Variants in PCTP observed in about 807,000 individuals in gnomAD.
PCTP encodes START domain-containing protein 2.
A neutral mutation model predicts 31.0 loss-of-function variants in PCTP; 27 were observed. The observed-to-expected ratio is 0.87, with a 90% CI of 0.64 to 1.20. The LOEUF is 1.20. Ranked by LOEUF, PCTP falls within the 50% of genes most tolerant of loss-of-function variation. The pLI is 0.00. For missense variants in PCTP, 287 were observed against 268.2 expected (o/e 1.07, Z -0.49); for synonymous variants, 108 against 101.2 (o/e 1.07, Z -0.40).
At chr17:55,825,470 A>C (rs1381680417), downstream of PCTP, among the ~76,000 whole-genome samples, 4 of 152,230 alleles carry the variant, frequency 2.6e-5, no homozygotes, top group Non-Finnish European at 2.9e-5. Flanking sequence ...CTGCCAGGGG[A>C]AGGTAGAGTC....
intron 3 of PCTP, among the ~76,000 whole-genome samples, chr17:55,800,998 G>C (rs1912357591): frequency 6.6e-6 from 1 of 152,100 alleles, no homozygotes; most frequent in Admixed American, 6.5e-5. Context: ...TCCTCTGGAA[G>C]CTTCGTCCCA....
At chr17:55,850,071 C>T in the PCTP span, among the ~76,000 whole-genome samples, 1 of 151,982 alleles carries the variant, frequency 6.6e-6, no homozygotes, top group Non-Finnish European at 1.5e-5. Flanking sequence ...ATAATGTGGC[C>T]TAAATTATAC....
intron 1 of PCTP, among the ~76,000 whole-genome samples, chr17:55,765,552 G>A (rs1236992523): frequency 1.3e-5 from 2 of 152,084 alleles, no homozygotes; most frequent in African/African-American, 4.8e-5. Context: ...TTACTTCCCT[G>A]TTCAAATCAC....
intron 2 of PCTP, chr17:55,770,116 C>G (rs1910902294): frequency 6.6e-6 from 1 of 152,216 alleles, no homozygotes; most frequent in Admixed American, 6.5e-5. Flanking sequence ...AGTCTGGGGA[C>G]AGAGGGTGTG....
intron 1 of PCTP, among the ~76,000 whole-genome samples, chr17:55,766,511 G>A (rs1433148142): frequency 6.7e-6 from 1 of 148,568 alleles, no homozygotes; most frequent in Non-Finnish European, 1.5e-5. Flanking sequence ...AATATGTGGT[G>A]TTTGGTTTTT....
In PCTP at chr17:55,755,233, G is replaced by GT. The variant is rs544288386; in HGVS notation, c.141+3989_141+3990insT. Reference sequence around the variant, plus strand: ...TTAAGGACCCGATTGTGCATAGCATGCTTGCCACTGTGTGGTACGAGCTGG... The same window carrying GT: ...TTAAGGACCCGATTGTGCATAGCATGTCTTGCCACTGTGTGGTACGAGCTGG... On this transcript the variant is annotated intron_variant, in intron 1 of 5. Transcript: ENST00000268896. Among the ~76,000 whole-genome samples, 803 of 152,292 alleles carry GT rather than the reference G, an allele frequency of 5.3e-3. 14 individuals are homozygous for GT. Among genetic ancestry groups the GT allele is most frequent in the African/African-American group, 0.018 (758 of 41,556 alleles).
At chr17:55,754,640 C>T (rs894359863) in intron 1 of PCTP, among the ~76,000 whole-genome samples, 4 of 152,178 alleles carry the variant, frequency 2.6e-5, no homozygotes, top group Non-Finnish European at 5.9e-5. Context: ...ATTGGGGAAA[C>T]CCAAGAAGGC....
chr17:55,809,424 G>T (rs1912677992), intron 3 of PCTP, among the ~76,000 whole-genome samples: 1 of 151,984 alleles, frequency 6.6e-6, no homozygotes, highest in Non-Finnish European at 1.5e-5. Flanking sequence ...GTAACATATT[G>T]ATATCTCAGC....
intron 5 of PCTP, chr17:55,775,745 G>T (rs1243888509): frequency 1.6e-6 from 2 of 1,258,540 alleles, no homozygotes; most frequent in South Asian, 3.2e-5. Flanking sequence ...CCCATTTCTT[G>T]TGTTTTCTTT....
chr17:55,839,354 A>G (rs1220687916), intron 5 of PCTP, among the ~76,000 whole-genome samples: 1 of 152,172 alleles, frequency 6.6e-6, no homozygotes, highest in Non-Finnish European at 1.5e-5. Context: ...GGAAAGTCAA[A>G]TGGAAAGCTG....
intron 5 of PCTP, among the ~76,000 whole-genome samples, chr17:55,833,323 A>G (rs1905668583): frequency 6.6e-6 from 1 of 152,186 alleles, no homozygotes; most frequent in African/African-American, 2.4e-5. Flanking sequence ...ACAACAAGTA[A>G]CCTCCAAAAT....
chr17:55,784,777 A>G (rs941437605), intron 2 of PCTP, among the ~76,000 whole-genome samples: 5 of 152,248 alleles, frequency 3.3e-5, no homozygotes, highest in Admixed American at 6.5e-5. Context: ...TTTTCTTTAT[A>G]CTTATAATCA....
At chr17:55,840,010 T>G (rs1305090296) in intron 5 of PCTP, among the ~76,000 whole-genome samples, 1 of 151,828 alleles carries the variant, frequency 6.6e-6, no homozygotes, top group Non-Finnish European at 1.5e-5. Flanking sequence ...TTAATTTAGT[T>G]TAAAGTGATG....
downstream of PCTP, among the ~76,000 whole-genome samples, chr17:55,827,953 T>C (rs1025909606): frequency 1.3e-5 from 2 of 151,912 alleles, no homozygotes; most frequent in Admixed American, 1.3e-4. Flanking sequence ...CATGATGGAG[T>C]AGTTTTTGAT....
chr17:55,751,650 T>C (rs1427612240), intron 1 of PCTP, among the ~76,000 whole-genome samples: 1 of 151,862 alleles, frequency 6.6e-6, no homozygotes, highest in Non-Finnish European at 1.5e-5. Context: ...GGCTTGGATA[T>C]AGGAGGAAAA....
intron 1 of PCTP, among the ~76,000 whole-genome samples, chr17:55,761,749 C>T (rs1345021717): frequency 6.6e-6 from 1 of 151,682 alleles, no homozygotes; most frequent in Admixed American, 6.6e-5. Flanking sequence ...ATTTAATATC[C>T]ATTAAAGTGT....
At chr17:55,819,300 G>C (rs1913038593) in intron 3 of PCTP, among the ~76,000 whole-genome samples, 1 of 152,104 alleles carries the variant, frequency 6.6e-6, no homozygotes, top group Non-Finnish European at 1.5e-5. Flanking sequence ...GGAGGCTTTA[G>C]CCAGGGTAAT....
intron 3 of PCTP, among the ~76,000 whole-genome samples, chr17:55,810,294 G>A (rs1359349108): frequency 6.6e-6 from 1 of 152,238 alleles, no homozygotes; most frequent in Non-Finnish European, 1.5e-5. Flanking sequence ...TGGGATTATA[G>A]GCTTGAGCCA....
At chr17:55,807,860 A>T (rs1912623182) in intron 3 of PCTP, among the ~76,000 whole-genome samples, 1 of 152,164 alleles carries the variant, frequency 6.6e-6, no homozygotes, top group Admixed American at 6.6e-5. Flanking sequence ...TCTCCCCCAG[A>T]TATAAATGCT....
Sources: allele counts gnomAD v4.1 joint callset (sites outside exome capture counted in the v4.1 genomes callset), GRCh38; gene constraint gnomAD v4.1.1; transcripts MANE v1.5; gene names NCBI Gene and HGNC (gene_info 2026-07-23, HGNC 2026-07-21).